The following SDHD variants were observed in gnomAD, a reference collection of about 807,000 sequenced individuals.
The protein encoded by SDHD is succinate dehydrogenase [ubiquinone] cytochrome b small subunit, mitochondrial.
In SDHD, 6 loss-of-function variants were observed where a neutral mutation model predicts 18.7. The ratio of observed to expected loss-of-function variants is 0.32; its 90% CI spans 0.18 to 0.63. SDHD has a LOEUF of 0.63. Among genes scored for constraint, SDHD ranks in the 30% least tolerant of loss-of-function variants. The probability of loss-of-function intolerance (pLI) is 0.79; values close to 1 mark genes in which losing one functional copy is unlikely to be tolerated. For synonymous variants in SDHD, 56 were observed against 73.9 expected (o/e 0.76, Z 1.24); for missense variants, 160 against 192.7 (o/e 0.83, Z 1.00).
At chr11:112,094,679 G>T in intron 3 of SDHD, 126 bp from the exon 4 acceptor site, 1 of 787,640 alleles carries the variant, frequency 1.3e-6, no homozygotes. Context: ...CAGTGACAGT[G>T]GAGTGGCAAA....
intron 3 of SDHD, among the ~76,000 whole-genome samples, chr11:112,094,346 C>T (rs1323360902): frequency 2.0e-5 from 3 of 151,452 alleles, no homozygotes; most frequent in South Asian, 4.2e-4. Context: ...TGTAGTGAGC[C>T]GAGATCGTGC....
At chr11:112,089,748 C>G (rs1865709719) in intron 3 of SDHD, among the ~76,000 whole-genome samples, 1 of 152,172 alleles carries the variant, frequency 6.6e-6, no homozygotes, top group South Asian at 2.1e-4. Flanking sequence ...ACAAAGCCTT[C>G]CCTAACCACT....
chr11:112,086,898 C>G lies in SDHD; in HGVS notation c.-10C>G, dbSNP rs1166792269. On this transcript the variant is annotated 5_prime_UTR_variant, in exon 1 of 4. Transcript: ENST00000375549. ...GGGTTGGTGGATGACCTTGAGCCCT[C>G]AGGAACGAGATGGCGGTTCTCTGGA... 6.2e-7 allele frequency: 1 copy of G among 1,614,204 alleles called. No homozygotes were observed.
chr11:112,088,862 T>C lies in SDHD; in HGVS notation c.170-5T>C, dbSNP rs1218549926. 2 of 1,612,042 alleles carry C rather than the reference T, an allele frequency of 1.2e-6. No individual in the cohort carries two copies. The highest frequency in any genetic ancestry group is 1.1e-5 in the South Asian group (1 of 91,006). ...CAACTTTTATGAATCTGGTCCTTTT[T>C]GTAGCTGGCTCCAAGGCTGCATCTC... is the stretch of plus-strand genomic sequence containing the variant. On this transcript the variant is annotated splice_polypyrimidine_tract_variant and splice_region_variant and intron_variant, in intron 2 of 3. Coordinates refer to ENST00000375549, the MANE Select transcript of SDHD (RefSeq NM_003002.4).
At chr11:112,092,759 C>T (rs377188133) in intron 3 of SDHD, among the ~76,000 whole-genome samples, 23 of 152,312 alleles carry the variant, frequency 1.5e-4, no homozygotes, top group East Asian at 1.3e-3. Flanking sequence ...CGGCGATCTA[C>T]TTTTAGGTGT....
chr11:112,095,268 A>G lies in SDHD; in HGVS notation c.*298A>G, dbSNP rs919303787. ...TATATCAGCTTTTGCCTTTCAATTT[A>G]TCAATCTCTTAAAGAGAATCCAACT... On this transcript the variant is annotated 3_prime_UTR_variant, in exon 4 of 4. Coordinates refer to ENST00000375549, the MANE Select transcript of SDHD (RefSeq NM_003002.4). 5 of 441,892 alleles carry G rather than the reference A, an allele frequency of 1.1e-5. No homozygotes were observed. Among genetic ancestry groups the G allele is most frequent in the Non-Finnish European group, 2.1e-5 (5 of 238,380 alleles). 27.4% of individuals were successfully genotyped at this position (441,892 alleles called of 1,614,324 possible). A position where few individuals can be genotyped will look rare whatever the true frequency, so the allele number is the denominator to read the frequency against.
At chr11:112,088,820 A>G (rs1382571018) in intron 2 of SDHD, 47 bp from the exon 3 acceptor site, 1 of 1,609,996 alleles carries the variant, frequency 6.2e-7, no homozygotes, top group Non-Finnish European at 8.5e-7. Flanking sequence ...AACATGAAAG[A>G]TGTGTGTTTC....
At chr11:112,090,925 A>G (rs887251608) in intron 3 of SDHD, among the ~76,000 whole-genome samples, 1 of 152,054 alleles carries the variant, frequency 6.6e-6, no homozygotes, top group Admixed American at 6.5e-5. Flanking sequence ...TGGACTCCTG[A>G]CCTCAAGTGA....
At chr11:112,089,177 C>T in intron 3 of SDHD, 166 bp downstream of exon 3, 2 of 676,584 alleles carry the variant, frequency 3.0e-6, no homozygotes, top group Non-Finnish European at 5.0e-6. Context: ...ATCTGCCTGC[C>T]TATTCAATGT....
At chr11:112,093,900 A>G (rs1050958419) in intron 3 of SDHD, among the ~76,000 whole-genome samples, 2 of 152,190 alleles carry the variant, frequency 1.3e-5, no homozygotes, top group African/African-American at 4.8e-5. Flanking sequence ...AGTATATTCC[A>G]TAAGGGTAGG....
chr11:112,087,048 T>G, intron 1 of SDHD, 89 bp downstream of exon 1: 3 of 1,442,106 alleles, frequency 2.1e-6, no homozygotes, highest in Non-Finnish European at 2.9e-6. Flanking sequence ...GGGTGGGAGA[T>G]CTCTTGAGGA....
chr11:112,092,234 C>T lies in SDHD; in HGVS notation c.315-2571C>T, dbSNP rs192829567. On this transcript the variant is annotated intron_variant, in intron 3 of 3. Coordinates refer to ENST00000375549, the MANE Select transcript of SDHD (RefSeq NM_003002.4). ...AAACCTGCACGTTCAGCACATGTAT[C>T]CCAGAACTTAAAGTAAAAGAAGAAA... is the stretch of plus-strand genomic sequence containing the variant. Among the ~76,000 whole-genome samples the T allele has an allele frequency of 6.5e-4, 99 of 151,448 alleles. 2 individuals are homozygous for T. Among genetic ancestry groups the T allele is most frequent in the African/African-American group, 2.4e-3 (98 of 41,094 alleles).
In SDHD at chr11:112,095,178, A is replaced by C. The variant is rs1008073942; in HGVS notation, c.*208A>C. On this transcript the variant is annotated 3_prime_UTR_variant, in exon 4 of 4. Transcript: ENST00000375549. ...TCTAAGTTGTGAGACTGAGTTCTAT[A>C]TTCTGGTGAGTTAATGGGGTTGCCT... 1 of 590,988 alleles carries C rather than the reference A, an allele frequency of 1.7e-6. No individual in the cohort carries two copies. Among genetic ancestry groups the C allele is most frequent in the African/African-American group, 1.8e-5 (1 of 54,176 alleles). The allele number at this position is 590,988 out of a possible 1,614,324, so 36.6% of individuals were successfully genotyped here.
chr11:112,088,230 C>T (rs552869266), intron 2 of SDHD: 17 of 463,668 alleles, frequency 3.7e-5, no homozygotes, highest in African/African-American at 5.9e-5. Flanking sequence ...GACAGAGTCT[C>T]GCTCTGTTAT....
intron 3 of SDHD, 48 bp from the exon 4 acceptor site, chr11:112,094,757 T>C: frequency 6.4e-7 from 1 of 1,553,066 alleles, no homozygotes; most frequent in Non-Finnish European, 8.9e-7. Flanking sequence ...AGTCTTCTAA[T>C]TTCACTGTGG....
rs111885447 is a variant in SDHD, at chr11:112,093,399, CA to C, written c.315-1405del. On this transcript the variant is annotated intron_variant, in intron 3 of 3. Coordinates refer to ENST00000375549, the MANE Select transcript of SDHD (RefSeq NM_003002.4). ...GTTCTTTTATATGAAATGTCTAGAACAGGCAAAGCCATAGAGACAGAAAGTA... is the reference window on the plus strand; with the variant it reads ...GTTCTTTTATATGAAATGTCTAGAACGGCAAAGCCATAGAGACAGAAAGTA... Among the ~76,000 whole-genome samples the C allele has an allele frequency of 0.044, 6,755 of 152,036 alleles. 501 individuals are homozygous for C. Among genetic ancestry groups the C allele is most frequent in the African/African-American group, 0.15 (6,337 of 41,418 alleles).
rs200798663 is a variant in SDHD, at chr11:112,095,411, C to T, written c.*441C>T. 2.1e-5 allele frequency: 6 copies of T among 285,590 alleles called. No homozygotes were observed. The highest frequency in any genetic ancestry group is 7.6e-5 in the South Asian group (1 of 13,216). The allele number at this position is 285,590 out of a possible 1,614,324, so 17.7% of individuals were successfully genotyped here. A position where few individuals can be genotyped will look rare whatever the true frequency, so the allele number is the denominator to read the frequency against. On this transcript the variant is annotated 3_prime_UTR_variant, in exon 4 of 4. Transcript: ENST00000375549. ...AGAAAATTAGACAGTGTTTAATTTT[C>T]GAAAACTTCCCTCTCTAGACAGTAG...
chr11:112,091,636 TC>T (rs1566698475), intron 3 of SDHD, among the ~76,000 whole-genome samples: 1 of 152,070 alleles, frequency 6.6e-6, no homozygotes, highest in African/African-American at 2.4e-5. Flanking sequence ...CGCTCTTTTT[TC>T]CCCCCAAATC....
chr11:112,094,102 A>C (rs1865796273), intron 3 of SDHD, among the ~76,000 whole-genome samples: 1 of 152,104 alleles, frequency 6.6e-6, no homozygotes, highest in African/African-American at 2.4e-5. Flanking sequence ...CCGCATCTTT[A>C]AAGAAATAAA....
Sources: gnomAD v4.1 joint callset for allele counts (sites outside exome capture counted in the v4.1 genomes callset) on GRCh38, gnomAD v4.1.1 for gene constraint, MANE v1.5 for transcripts, NCBI Gene and HGNC (gene_info 2026-07-23, HGNC 2026-07-21) for gene names.